Variants in SLC25A13 observed in about 807,000 individuals in gnomAD.
SLC25A13 encodes electrogenic aspartate/glutamate antiporter SLC25A13, mitochondrial.
SLC25A13 carries 70 observed loss-of-function variants against 85.5 expected under a neutral mutation model. That is an observed-to-expected ratio of 0.82 (90% CI 0.68 to 1.00). SLC25A13 has a LOEUF of 1.00. SLC25A13 is among the 50% of genes least tolerant of loss of function. The probability of loss-of-function intolerance (pLI) is 0.00; values close to 1 mark genes in which losing one functional copy is unlikely to be tolerated. For missense variants in SLC25A13, 765 were observed against 819.8 expected (o/e 0.93, Z 0.82); for synonymous variants, 259 against 288.7 (o/e 0.90, Z 1.04).
At chr7:96,245,437 C>T (rs1797152227) in intron 3 of SLC25A13, among the ~76,000 whole-genome samples, 1 of 152,156 alleles carries the variant, frequency 6.6e-6, no homozygotes, top group South Asian at 2.1e-4. Flanking sequence ...AGAACCACTA[C>T]AAGCCTACAA....
chr7:96,258,881 G>A (rs985245470), intron 3 of SLC25A13, among the ~76,000 whole-genome samples: 2 of 151,970 alleles, frequency 1.3e-5, no homozygotes, highest in Admixed American at 1.3e-4. Flanking sequence ...AGACCAATGG[G>A]ACAGAATAGA....
chr7:96,239,602 T>C (rs984534413), intron 3 of SLC25A13, among the ~76,000 whole-genome samples: 1 of 152,064 alleles, frequency 6.6e-6, no homozygotes, highest in Non-Finnish European at 1.5e-5. Context: ...ATGACTAGAA[T>C]CTAAGGAACA....
At chr7:96,304,027 C>T (rs2117010475) in intron 1 of SLC25A13, among the ~76,000 whole-genome samples, 1 of 152,086 alleles carries the variant, frequency 6.6e-6, no homozygotes, top group South Asian at 2.1e-4. Flanking sequence ...TTTGGAATTC[C>T]CTAAAACCAC....
intron 1 of SLC25A13, among the ~76,000 whole-genome samples, chr7:96,318,255 T>C (rs1800203364): frequency 6.6e-6 from 1 of 152,228 alleles, no homozygotes; most frequent in African/African-American, 2.4e-5. Flanking sequence ...TAGGTTCATA[T>C]AGGTTAATTA....
chr7:96,292,415 G>A (rs1799161972), intron 2 of SLC25A13, among the ~76,000 whole-genome samples: 1 of 152,310 alleles, frequency 6.6e-6, no homozygotes, highest in East Asian at 1.9e-4. Context: ...ACATAGTGTT[G>A]GAAGTCCTGG....
intron 15 of SLC25A13, among the ~76,000 whole-genome samples, chr7:96,127,004 T>C (rs1165607795): frequency 6.6e-6 from 1 of 152,214 alleles, no homozygotes; most frequent in East Asian, 1.9e-4. Context: ...TATAACACAC[T>C]TCCACTTCTG....
chr7:96,187,395 C>T (rs1479411371), intron 9 of SLC25A13, among the ~76,000 whole-genome samples: 1 of 152,184 alleles, frequency 6.6e-6, no homozygotes, highest in Non-Finnish European at 1.5e-5. Context: ...AATAGCTTTA[C>T]ATAGAAATAT....
chr7:96,170,720 G>T (rs1793958447), intron 12 of SLC25A13, among the ~76,000 whole-genome samples: 1 of 152,194 alleles, frequency 6.6e-6, no homozygotes, highest in Admixed American at 6.5e-5. Flanking sequence ...GGCCAGAGAA[G>T]ATTAGCTATC....
At chr7:96,132,363 T>G (rs1325544239) in intron 14 of SLC25A13, among the ~76,000 whole-genome samples, 1 of 152,158 alleles carries the variant, frequency 6.6e-6, no homozygotes, top group Non-Finnish European at 1.5e-5. Context: ...AGAAAGAAAT[T>G]ACACATACAT....
At chr7:96,311,454 G>T (rs1482852791) in intron 1 of SLC25A13, among the ~76,000 whole-genome samples, 1 of 152,132 alleles carries the variant, frequency 6.6e-6, no homozygotes, top group African/African-American at 2.4e-5. Context: ...CCACAAAGAC[G>T]TAATCAGCAA....
chr7:96,157,198 C>T (rs1039105501), intron 13 of SLC25A13, among the ~76,000 whole-genome samples: 3 of 152,124 alleles, frequency 2.0e-5, no homozygotes, highest in African/African-American at 2.4e-5. Context: ...TCTACTGATA[C>T]GAAGCATCAT....
chr7:96,152,760 ATACACCGGTGG>A (rs1166672701), intron 13 of SLC25A13, among the ~76,000 whole-genome samples: 1 of 152,192 alleles, frequency 6.6e-6, no homozygotes, highest in Non-Finnish European at 1.5e-5. Flanking sequence ...AACCTCTGCT[ATACACCGGTGG>A]TACAGCAATC....
intron 4 of SLC25A13, among the ~76,000 whole-genome samples, chr7:96,232,459 G>A (rs542012176): frequency 1.3e-5 from 2 of 152,106 alleles, no homozygotes; most frequent in African/African-American, 4.8e-5. Flanking sequence ...AAGGTGGGAG[G>A]AGGGAGAGAA....
At chr7:96,298,639 G>A (rs1799439152) in intron 1 of SLC25A13, among the ~76,000 whole-genome samples, 1 of 151,946 alleles carries the variant, frequency 6.6e-6, no homozygotes, top group Non-Finnish European at 1.5e-5. Flanking sequence ...TACCATGTTG[G>A]CCAGGCTGGT....
chr7:96,306,821 A>T, intron 1 of SLC25A13: 1 of 1,400,468 alleles, frequency 7.1e-7, no homozygotes, highest in Admixed American at 1.7e-5. Flanking sequence ...GACTCAGGAG[A>T]TCATGCAGCA....
chr7:96,165,630 T>C (rs1793709777), intron 13 of SLC25A13, among the ~76,000 whole-genome samples: 1 of 152,204 alleles, frequency 6.6e-6, no homozygotes, highest in Admixed American at 6.5e-5. Context: ...TGGGTTAGGA[T>C]GAGGCATTCA....
intron 4 of SLC25A13, among the ~76,000 whole-genome samples, chr7:96,233,492 T>C (rs1025389101): frequency 1.3e-5 from 2 of 152,234 alleles, no homozygotes; most frequent in African/African-American, 4.8e-5. Flanking sequence ...TCTGATCTTC[T>C]AGAAACCGGG....
chr7:96,149,253 G>A (rs554802122), intron 13 of SLC25A13, among the ~76,000 whole-genome samples: 15 of 152,238 alleles, frequency 9.9e-5, no homozygotes, highest in Non-Finnish European at 2.1e-4. Context: ...ATCATTTCAC[G>A]AATAACTTTT....
intron 13 of SLC25A13, among the ~76,000 whole-genome samples, chr7:96,160,771 T>C (rs1793477414): frequency 6.6e-6 from 1 of 152,184 alleles, no homozygotes; most frequent in Non-Finnish European, 1.5e-5. Flanking sequence ...CTTAGTACCA[T>C]CAGATATTTC....
Sources: allele counts gnomAD v4.1 joint callset (sites outside exome capture counted in the v4.1 genomes callset), GRCh38; gene constraint gnomAD v4.1.1; transcripts MANE v1.5; gene names NCBI Gene and HGNC (gene_info 2026-07-23, HGNC 2026-07-21).